The following DNAH14 variants were observed in gnomAD, a reference collection of about 807,000 sequenced individuals.
The protein encoded by DNAH14 is axonemal beta dynein heavy chain 14.
DNAH14 carries 478 observed loss-of-function variants against 520.9 expected under a neutral mutation model. The observed-to-expected ratio is 0.92, with a 90% CI of 0.85 to 0.99. DNAH14 has a LOEUF of 0.99. DNAH14 is among the 50% of genes least tolerant of loss of function. The pLI is 0.00. For synonymous variants in DNAH14, 1,581 were observed against 1,757.2 expected, an observed-to-expected ratio of 0.90 and a Z score of 2.51; for missense variants, 4,831 against 5,234.5, an observed-to-expected ratio of 0.92 and a Z score of 2.38.
At chr1:225,125,531 C>A (rs1009721878) in intron 27 of DNAH14, among the ~76,000 whole-genome samples, 8 of 152,330 alleles carry the variant, frequency 5.3e-5, no homozygotes, top group African/African-American at 1.9e-4. Context: ...TGCTAGCTTT[C>A]AACTTTTCTT....
intron 37 of DNAH14, among the ~76,000 whole-genome samples, chr1:225,187,792 T>C (rs943042830): frequency 6.6e-6 from 1 of 151,924 alleles, no homozygotes; most frequent in Non-Finnish European, 1.5e-5. Context: ...TTTAAATTGT[T>C]ATCTTTTTGT....
chr1:224,946,820 AT>A (rs1312226779), intron 1 of DNAH14, among the ~76,000 whole-genome samples: 1 of 112,524 alleles, frequency 8.9e-6, no homozygotes, highest in Non-Finnish European at 1.9e-5. Flanking sequence ...ATCTAATTTC[AT>A]TTTTTTCCCC....
In DNAH14 at chr1:225,337,456, T is replaced by C; in HGVS notation, c.10271T>C (p.Ile3424Thr). ...SIEDSNYTKK[I>T]ENAMKTGGSV... ...GAAGACAGCAATTATACCAAAAAAA[T>C]TGAAAATGCTATGAAGACAGGAGGG... The change falls in exon 67 of 86, where the codon ATT (isoleucine) becomes ACT (threonine). Residue 3424 changes from isoleucine to threonine, a missense_variant. Physicochemically the swap from Ile to Thr is moderately conservative, Grantham distance 89. Transcript: ENST00000682510. 4 of 1,551,706 alleles carry C rather than the reference T, an allele frequency of 2.6e-6. No individual in the cohort carries two copies. The highest frequency in any genetic ancestry group is 2.6e-6 in the Non-Finnish European group (3 of 1,146,966).
At chr1:225,070,510 A>G (rs2071432327) in intron 17 of DNAH14, among the ~76,000 whole-genome samples, 1 of 152,074 alleles carries the variant, frequency 6.6e-6, no homozygotes, top group Non-Finnish European at 1.5e-5. Context: ...GTGTCATTGT[A>G]TGGATTTGAG....
chr1:225,250,407 C>T (rs1367611265), intron 43 of DNAH14, among the ~76,000 whole-genome samples: 3 of 152,180 alleles, frequency 2.0e-5, no homozygotes, highest in Non-Finnish European at 4.4e-5. Flanking sequence ...GCAATTCCAG[C>T]TTGTAGCCTA....
chr1:225,185,108 T>A (rs1439497517), intron 36 of DNAH14, among the ~76,000 whole-genome samples, 183 bp from the exon 37 acceptor site: 8 of 149,968 alleles, frequency 5.3e-5, no homozygotes, highest in African/African-American at 2.0e-4. Flanking sequence ...ACAAAATCAA[T>A]GTAAAAAAAA....
intron 8 of DNAH14, among the ~76,000 whole-genome samples, chr1:224,977,815 C>A (rs1473865436): frequency 6.6e-6 from 1 of 152,010 alleles, no homozygotes; most frequent in East Asian, 1.9e-4. Flanking sequence ...GGGACTCAAA[C>A]AACAGTAAAA....
intron 79 of DNAH14, among the ~76,000 whole-genome samples, 187 bp from the exon 80 acceptor site, chr1:225,379,972 A>G (rs2095759414): frequency 1.3e-5 from 2 of 152,186 alleles, no homozygotes; most frequent in East Asian, 3.8e-4. Flanking sequence ...GGGAACTTTC[A>G]GTATCCTCTC....
chr1:224,939,201 G>A (rs1293942566), intron 1 of DNAH14, among the ~76,000 whole-genome samples: 1 of 152,168 alleles, frequency 6.6e-6, no homozygotes, highest in Non-Finnish European at 1.5e-5. Context: ...TCAGCATTTT[G>A]AGGATATTAA....
At chr1:224,956,515 A>G (rs2060523454) in intron 3 of DNAH14, among the ~76,000 whole-genome samples, 3 of 152,134 alleles carry the variant, frequency 2.0e-5, no homozygotes, top group Non-Finnish European at 2.9e-5. Context: ...TCTATTCCAT[A>G]TAGCCTTGGT....
chr1:225,002,754 T>A, intron 8 of DNAH14, 29 bp from the exon 9 acceptor site: 1 of 1,539,518 alleles, frequency 6.5e-7, no homozygotes, highest in Non-Finnish European at 8.8e-7. Context: ...GAATGAGAGA[T>A]ATATCTGTAG....
intron 28 of DNAH14, among the ~76,000 whole-genome samples, chr1:225,141,683 G>A (rs983412451): frequency 2.6e-5 from 4 of 151,970 alleles, no homozygotes; most frequent in African/African-American, 9.7e-5. Context: ...TCTTTCCATG[G>A]GCATTCAGAG....
rs529518658 is a variant in DNAH14 at position 225,290,025 on chromosome 1, C to T, written c.8412C>T (p.His2804=). The T allele has an allele frequency of 1.5e-4, 233 of 1,533,012 alleles. 2 individuals are homozygous for T. In the South Asian group the frequency reaches 2.3e-3, roughly 15 times the overall value. The allele number at this position is 1,533,012 out of a possible 1,614,324, so 95.0% of individuals were successfully genotyped here. The change falls in exon 55 of 86, where the codon CAC becomes CAT. Residue 2804 remains histidine (H), a synonymous_variant. Transcript: ENST00000682510. ...AAGTCTTTAAAAAGGTGTTTATTCA[C>T]GCAGGATTAAAAGGGAAACCCACTG... ...FKEVFKKVFI[H]AGLKGKPTVL...
intron 21 of DNAH14, among the ~76,000 whole-genome samples, chr1:225,086,528 C>CAT (rs1018516544): frequency 9.2e-5 from 14 of 151,928 alleles, no homozygotes; most frequent in African/African-American, 2.4e-4. Context: ...TATACACACA[C>CAT]ATATATATAC....
In DNAH14 at chr1:225,381,262, G is replaced by A. The variant is rs1575120418; in HGVS notation, c.12881-121G>A. The A allele has an allele frequency of 1.2e-5, 12 of 985,250 alleles. No homozygotes were observed. The East Asian group carries it at 2.9e-4, about 24-fold the overall frequency. The allele number at this position is 985,250 out of a possible 1,614,324, so 61.0% of individuals were successfully genotyped here. A position where few individuals can be genotyped will look rare whatever the true frequency, so the allele number is the denominator to read the frequency against. Reference sequence around the variant, plus strand: ...TGCTATCTGACCTTCTACAGAAAATGTTTATCAACCCCTGGTCAAGACACA... The same window carrying A: ...TGCTATCTGACCTTCTACAGAAAATATTTATCAACCCCTGGTCAAGACACA... On this transcript the variant is annotated intron_variant, in intron 80 of 85. Coordinates refer to ENST00000682510, the MANE Select transcript of DNAH14 (RefSeq NM_001367479.1).
chr1:224,968,627 A>G, intron 6 of DNAH14, 132 bp from the exon 7 acceptor site: 1 of 574,058 alleles, frequency 1.7e-6, no homozygotes. Context: ...GGATTCATAC[A>G]TAGAAAAAGC....
In DNAH14 at chr1:225,174,793, G is replaced by T. The variant is rs991074784; in HGVS notation, c.5535+6765G>T. Among the ~76,000 whole-genome samples the T allele has an allele frequency of 3.9e-5, 6 of 152,284 alleles. No individual in the cohort carries two copies. The East Asian group carries it at 1.2e-3, about 29-fold the overall frequency. ...CTTTCAACTTTTTCCTGTTCAGGAT[G>T]ATGTTAGCTGTGGGTTTGTCGTATA... On this transcript the variant is annotated intron_variant, in intron 36 of 85. Coordinates refer to ENST00000682510, the MANE Select transcript of DNAH14 (RefSeq NM_001367479.1).
At position 225,117,987 on chromosome 1, in the gene DNAH14, T is replaced by C; in HGVS notation, c.4079T>C (p.Leu1360Pro). Residue 1360 changes from leucine to proline, a missense_variant, in exon 25 of 86, where the codon CTC (leucine) becomes CCC (proline). By Grantham distance (98) the Leu-to-Pro change is moderately conservative. Coordinates refer to ENST00000682510, the MANE Select transcript of DNAH14 (RefSeq NM_001367479.1). ...CTAATATCTGCTGAAGGGGAAGGTC[T>C]CGTGCTGCCAAAGTATGATAAATGT... ...KMLISAEGEGLVLPKKIRVRS... is the reference protein window; with the variant it reads ...KMLISAEGEGPVLPKKIRVRS... 6.5e-7 allele frequency: 1 copy of C among 1,546,418 alleles called. No individual in the cohort carries two copies.
intron 81 of DNAH14, among the ~76,000 whole-genome samples, chr1:225,382,699 G>C (rs1023490436): frequency 9.9e-5 from 15 of 151,596 alleles, no homozygotes; most frequent in African/African-American, 3.6e-4. Context: ...GGGCAACAGA[G>C]GGACACTCTG....
Sources: gnomAD v4.1 joint callset for allele counts (sites outside exome capture counted in the v4.1 genomes callset) on GRCh38, gnomAD v4.1.1 for gene constraint, MANE v1.5 for transcripts, NCBI Gene and HGNC (gene_info 2026-07-23, HGNC 2026-07-21) for gene names.